Variants in GRIA3 observed in about 807,000 individuals in gnomAD.
The protein encoded by GRIA3 is glutamate receptor 3.
In GRIA3, 3 loss-of-function variants were observed where a neutral mutation model predicts 63.0. The ratio of observed to expected loss-of-function variants is 0.05; its 90% CI spans 0.02 to 0.12. GRIA3 has a LOEUF of 0.12. Ranked by LOEUF, GRIA3 falls within the 10% of genes least tolerant of loss-of-function variation. GRIA3 has a pLI of 1.00. For synonymous variants in GRIA3, 274 were observed against 257.9 expected (o/e 1.06, Z -0.60); for missense variants, 347 against 700.9 (o/e 0.50, Z 5.70).
At chrX:123,355,095 C>T (rs1442635751) in intron 5 of GRIA3, 132 bp downstream of exon 5, 1 of 538,017 alleles carries the variant, frequency 1.9e-6, no homozygotes, top group African/African-American at 2.3e-5. Context: ...TCGGTAAATA[C>T]CAAAACCTGA....
intron 3 of GRIA3, 126 bp downstream of exon 3, chrX:123,253,668 C>A: frequency 1.7e-6 from 1 of 574,042 alleles, no homozygotes; most frequent in Non-Finnish European, 2.8e-6. Context: ...ATTTAATATT[C>A]CAAATAAATC....
At chrX:123,249,609 A>G (rs1416585807) in intron 2 of GRIA3, among the ~76,000 whole-genome samples, 1 of 111,770 alleles carries the variant, frequency 8.9e-6, no homozygotes, top group Admixed American at 9.4e-5. Flanking sequence ...ACAGGGGTCA[A>G]TATTTGAAGG....
chrX:123,187,841 T>C (rs1000395494), intron 2 of GRIA3, among the ~76,000 whole-genome samples: 1 of 111,616 alleles, frequency 9.0e-6, no homozygotes, highest in Non-Finnish European at 1.9e-5. Context: ...ATTCTTGCCA[T>C]GTGAAAATCT....
chrX:123,201,080 G>C (rs1006350998), intron 2 of GRIA3, among the ~76,000 whole-genome samples: 4 of 112,002 alleles, frequency 3.6e-5, no homozygotes, highest in Non-Finnish European at 7.5e-5. Flanking sequence ...TAAAATATGT[G>C]GAAAGTGAAT....
chrX:123,456,074 T>C (rs933191247), intron 12 of GRIA3, among the ~76,000 whole-genome samples: 2 of 111,724 alleles, frequency 1.8e-5, no homozygotes, highest in Non-Finnish European at 3.8e-5. Flanking sequence ...AAGCCCACTA[T>C]GGCACCTCTT....
At position 123,368,070 on chromosome X, in the gene GRIA3, A is replaced by G. The variant is rs1047478333; in HGVS notation, c.750+13107A>G. Among the ~76,000 whole-genome samples the G allele has an allele frequency of 5.4e-5, 6 of 111,820 alleles. No individual in the cohort carries two copies. In the East Asian group the frequency reaches 1.7e-3, roughly 31 times the overall value. ...CACAACAGCATTCATTATACAAGGG[A>G]AAAAATGGAATATAGGGAGGAGGCT... On this transcript the variant is annotated intron_variant, in intron 5 of 15. Coordinates refer to ENST00000620443, the MANE Select transcript of GRIA3 (RefSeq NM_007325.5).
At chrX:123,241,056 T>C (rs997391319) in intron 2 of GRIA3, among the ~76,000 whole-genome samples, 2 of 111,759 alleles carry the variant, frequency 1.8e-5, no homozygotes, top group African/African-American at 6.5e-5. Flanking sequence ...CTATTTATTA[T>C]CTAGTTATTG....
intron 3 of GRIA3, among the ~76,000 whole-genome samples, chrX:123,260,402 AAGACAGACAGACAGAC>A (rs766545795): frequency 9.1e-4 from 20 of 21,995 alleles, no homozygotes; most frequent in African/African-American, 3.1e-3. Context: ...GAAAGAAAGA[AAGACAGACAGACAGAC>A]AGACAGACAG....
intron 3 of GRIA3, among the ~76,000 whole-genome samples, chrX:123,263,338 A>G (rs1344684539): frequency 8.9e-6 from 1 of 112,267 alleles, no homozygotes; most frequent in East Asian, 2.8e-4. Context: ...CATAGAGACT[A>G]CTTCACTCCC....
At chrX:123,476,158 A>C (rs2045886073) in intron 13 of GRIA3, among the ~76,000 whole-genome samples, 1 of 112,077 alleles carries the variant, frequency 8.9e-6, no homozygotes, top group African/African-American at 3.2e-5. Context: ...GGAGATACAA[A>C]TACATGAGCC....
intron 4 of GRIA3, among the ~76,000 whole-genome samples, chrX:123,351,545 T>C (rs2045094298): frequency 8.9e-6 from 1 of 112,041 alleles, no homozygotes; most frequent in Non-Finnish European, 1.9e-5. Context: ...CAATAAACCA[T>C]AGCCTGATGA....
chrX:123,367,965 A>G (rs2045223302), intron 5 of GRIA3, among the ~76,000 whole-genome samples: 1 of 112,146 alleles, frequency 8.9e-6, no homozygotes, highest in Non-Finnish European at 1.9e-5. Flanking sequence ...ACTTTTTTCT[A>G]AAGACTTGGA....
At chrX:123,209,539 A>T (rs1927983222) in intron 2 of GRIA3, among the ~76,000 whole-genome samples, 1 of 111,831 alleles carries the variant, frequency 8.9e-6, no homozygotes, top group Admixed American at 9.5e-5. Context: ...CAGGATATCA[A>T]TTGTCAAGCA....
chrX:123,343,696 C>T (rs1008619288), intron 4 of GRIA3, among the ~76,000 whole-genome samples: 5 of 109,303 alleles, frequency 4.6e-5, no homozygotes, highest in African/African-American at 1.0e-4. Flanking sequence ...GCTGGAGTGG[C>T]GCAATCATGG....
At chrX:123,373,678 T>C (rs1354721988) in intron 5 of GRIA3, among the ~76,000 whole-genome samples, 1 of 112,129 alleles carries the variant, frequency 8.9e-6, no homozygotes, top group African/African-American at 3.2e-5. Flanking sequence ...GTTCATATCT[T>C]TTGCCCACTT....
chrX:123,421,306 T>G (rs2045563376), intron 11 of GRIA3, among the ~76,000 whole-genome samples: 1 of 112,167 alleles, frequency 8.9e-6, no homozygotes, highest in South Asian at 3.7e-4. Context: ...TGATATATAC[T>G]AGTGAAGAGG....
At chrX:123,374,788 C>T (rs55768525) in intron 5 of GRIA3, among the ~76,000 whole-genome samples, 16,786 of 111,240 alleles carry the variant, frequency 0.15, 1,087 homozygotes, top group Non-Finnish European at 0.2. Context: ...TACAATCATG[C>T]CATCTGCAAA....
At chrX:123,217,025 G>T (rs1928175895) in intron 2 of GRIA3, among the ~76,000 whole-genome samples, 1 of 111,944 alleles carries the variant, frequency 8.9e-6, no homozygotes, top group African/African-American at 3.3e-5. Flanking sequence ...TGCTGCTAAA[G>T]GGCAAAAGGT....
intron 2 of GRIA3, chrX:123,202,855 T>C (rs1246000524): frequency 2.0e-6 from 2 of 993,349 alleles, no homozygotes; most frequent in African/African-American, 3.8e-5. Context: ...ATTCCTGTTA[T>C]GCCGCAAAGA....
Sources: allele counts gnomAD v4.1 joint callset (sites outside exome capture counted in the v4.1 genomes callset), GRCh38; gene constraint gnomAD v4.1.1; transcripts MANE v1.5; gene names NCBI Gene and HGNC (gene_info 2026-07-23, HGNC 2026-07-21).